STK39: variants seen among roughly 807,000 people sequenced by gnomAD.
STK39 encodes STE20/SPS1-related proline-alanine-rich protein kinase.
Under a neutral mutation model 77.8 loss-of-function variants are expected in STK39, and 20 were observed. The observed-to-expected ratio is 0.26, with a 90% confidence interval of 0.18 to 0.37. The LOEUF is 0.37. Ranked by LOEUF, STK39 falls within the 10% of genes least tolerant of loss-of-function variation. STK39 has a pLI of 1.00. For synonymous variants in STK39, 246 were observed against 234.1 expected (o/e 1.05, Z -0.47); for missense variants, 479 against 656.5 (o/e 0.73, Z 2.95).
intron 5 of STK39, among the ~76,000 whole-genome samples, chr2:168,143,894 G>C (rs562118754): frequency 1.3e-5 from 2 of 152,242 alleles, no homozygotes; most frequent in Admixed American, 6.5e-5. Context: ...CATTGCCCTT[G>C]CACATGATGC....
At chr2:168,244,093 G>GCTCC (rs1244645971) in intron 1 of STK39, among the ~76,000 whole-genome samples, 1 of 152,086 alleles carries the variant, frequency 6.6e-6, no homozygotes, top group African/African-American at 2.4e-5. Flanking sequence ...TAAATATAAA[G>GCTCC]CTCCCTCCCA....
chr2:168,036,786 G>A (rs1416300171), intron 14 of STK39, among the ~76,000 whole-genome samples: 1 of 152,170 alleles, frequency 6.6e-6, no homozygotes. Flanking sequence ...GAGGGTAGGC[G>A]CATGCTCCAA....
Position 168,029,402 on chromosome 2 carries a change from T to C in STK39, c.1377-12307A>G, listed in dbSNP as rs573451294. Among the ~76,000 whole-genome samples the C allele has an allele frequency of 1.5e-3, 232 of 152,364 alleles. 2 individuals carry two copies. The highest frequency in any genetic ancestry group is 3.4e-3 in the Middle Eastern group (1 of 294). On this transcript the variant is annotated intron_variant, in intron 14 of 17. Transcript: ENST00000355999. ...ACCCTTTATAAGGGACACTGAGTAATGTCTTCAACTTATGTTACAAAAGAC... is the reference window on the plus strand; with the variant it reads ...ACCCTTTATAAGGGACACTGAGTAACGTCTTCAACTTATGTTACAAAAGAC...
chr2:168,069,683 G>T (rs1020684320), intron 12 of STK39, among the ~76,000 whole-genome samples: 1 of 152,222 alleles, frequency 6.6e-6, no homozygotes, highest in Non-Finnish European at 1.5e-5. Context: ...AGTTTTCCTA[G>T]CCAGTCCTTG....
At chr2:168,112,637 T>C (rs1215132333) in intron 10 of STK39, among the ~76,000 whole-genome samples, 1 of 152,168 alleles carries the variant, frequency 6.6e-6, no homozygotes, top group East Asian at 1.9e-4. Flanking sequence ...TTTATAGCAG[T>C]ATGAAAACAA....
intron 1 of STK39, among the ~76,000 whole-genome samples, chr2:168,244,315 T>C (rs1558894967): frequency 6.6e-6 from 1 of 152,230 alleles, no homozygotes; most frequent in Non-Finnish European, 1.5e-5. Flanking sequence ...AGTAAACTTA[T>C]TCTCTCTTAA....
intron 1 of STK39, among the ~76,000 whole-genome samples, chr2:168,244,993 A>G (rs1430328283): frequency 6.6e-6 from 1 of 152,234 alleles, no homozygotes; most frequent in African/African-American, 2.4e-5. Context: ...TCACAAAAAA[A>G]TACTGTTTTC....
chr2:168,159,398 G>A (rs1195871182), intron 5 of STK39, among the ~76,000 whole-genome samples: 1 of 152,078 alleles, frequency 6.6e-6, no homozygotes, highest in African/African-American at 2.4e-5. Context: ...CCACCGACAA[G>A]GATGCCAGTA....
intron 10 of STK39, among the ~76,000 whole-genome samples, chr2:168,120,760 T>C (rs1421620013): frequency 2.6e-5 from 4 of 152,212 alleles, no homozygotes; most frequent in Admixed American, 6.5e-5. Flanking sequence ...CTCCCAAACA[T>C]AGCTATTATT....
At chr2:168,104,737 G>A (rs773556622) in intron 10 of STK39, among the ~76,000 whole-genome samples, 17 of 152,146 alleles carry the variant, frequency 1.1e-4, no homozygotes, top group Non-Finnish European at 2.1e-4. Flanking sequence ...ATGACATTCT[G>A]GAAGACAATT....
At chr2:168,186,767 G>A (rs956380282) in intron 1 of STK39, among the ~76,000 whole-genome samples, 6 of 152,302 alleles carry the variant, frequency 3.9e-5, no homozygotes, top group Admixed American at 1.3e-4. Flanking sequence ...CATAAAGGAG[G>A]TAAACTATAT....
chr2:168,221,045 CAT>C (rs1453854482), intron 1 of STK39, among the ~76,000 whole-genome samples: 1 of 152,090 alleles, frequency 6.6e-6, no homozygotes, highest in Non-Finnish European at 1.5e-5. Flanking sequence ...TTGGTTAAGT[CAT>C]ACTGAACTGC....
At chr2:168,014,140 T>C (rs1684346303) in intron 15 of STK39, among the ~76,000 whole-genome samples, 1 of 152,124 alleles carries the variant, frequency 6.6e-6, no homozygotes, top group Non-Finnish European at 1.5e-5. Flanking sequence ...AACTATAAAG[T>C]TCCATGTAAG....
At chr2:167,987,876 T>C (rs865873547) in intron 16 of STK39, among the ~76,000 whole-genome samples, 1 of 152,228 alleles carries the variant, frequency 6.6e-6, no homozygotes, top group Non-Finnish European at 1.5e-5. Context: ...AAAACTATTA[T>C]TAATGATTAA....
chr2:168,181,426 ATAAAG>A (rs1689080494), intron 2 of STK39, among the ~76,000 whole-genome samples: 2 of 152,238 alleles, frequency 1.3e-5, no homozygotes, highest in South Asian at 4.1e-4. Flanking sequence ...AATTATTTAT[ATAAAG>A]TACTCATTTA....
chr2:168,109,350 G>T (rs918459026), intron 10 of STK39, among the ~76,000 whole-genome samples: 1 of 152,104 alleles, frequency 6.6e-6, no homozygotes, highest in Admixed American at 6.5e-5. Context: ...GTATCACTCT[G>T]ACTACAGTCT....
intron 10 of STK39, among the ~76,000 whole-genome samples, chr2:168,107,152 T>C (rs558344909): frequency 6.6e-6 from 1 of 152,356 alleles, no homozygotes; most frequent in East Asian, 1.9e-4. Flanking sequence ...GTTAACTTCA[T>C]AGCTATTAAA....
chr2:167,979,802 TTAAA>T (rs1227476471), intron 16 of STK39, among the ~76,000 whole-genome samples: 1 of 152,066 alleles, frequency 6.6e-6, no homozygotes, highest in Non-Finnish European at 1.5e-5. Flanking sequence ...TTGAAAATAA[TTAAA>T]TAAAGCAGAG....
At chr2:168,240,924 CAGAGA>C (rs1480423484) in intron 1 of STK39, among the ~76,000 whole-genome samples, 1 of 152,146 alleles carries the variant, frequency 6.6e-6, no homozygotes. Context: ...CTGCAGAGAG[CAGAGA>C]AAAGGACTGC....
Sources: gnomAD v4.1 joint callset for allele counts (sites outside exome capture counted in the v4.1 genomes callset) on GRCh38, gnomAD v4.1.1 for gene constraint, MANE v1.5 for transcripts, NCBI Gene and HGNC (gene_info 2026-07-23, HGNC 2026-07-21) for gene names.